ARB2A: variants seen among roughly 807,000 people sequenced by gnomAD.
ARB2A encodes the protein cotranscriptional regulator ARB2A.
the ARB2A span, among the ~76,000 whole-genome samples, chr5:93,850,803 G>T: frequency 6.6e-6 from 1 of 152,158 alleles, no homozygotes; most frequent in East Asian, 1.9e-4. Context: ...TTTTCATACT[G>T]TAACTAACTC....
chr5:93,852,764 T>C, the ARB2A span, among the ~76,000 whole-genome samples: 1 of 152,208 alleles, frequency 6.6e-6, no homozygotes. Context: ...CAGATAGTTG[T>C]AGATATGCGG....
chr5:93,734,193 G>A, the ARB2A span: 1 of 152,140 alleles, frequency 6.6e-6, no homozygotes, highest in Non-Finnish European at 1.5e-5. Flanking sequence ...GCCAAGGATT[G>A]ATAAAAGTGT....
the ARB2A span, among the ~76,000 whole-genome samples, chr5:94,076,189 A>G: frequency 6.6e-6 from 1 of 152,162 alleles, no homozygotes; most frequent in Non-Finnish European, 1.5e-5. Context: ...TCGCTTCAAC[A>G]TTAAATAGTA....
At chr5:93,948,750 C>T in the ARB2A span, among the ~76,000 whole-genome samples, 10 of 152,184 alleles carry the variant, frequency 6.6e-5, no homozygotes, top group Non-Finnish European at 1.5e-5. Context: ...TTCCCAGCAC[C>T]ATTTATTAAA....
At chr5:94,050,924 A>G in the ARB2A span, 2 of 908,130 alleles carry the variant, frequency 2.2e-6, no homozygotes, top group Non-Finnish European at 1.6e-6. Flanking sequence ...AAAATTTAAA[A>G]TAACTTTCTC....
the ARB2A span, among the ~76,000 whole-genome samples, chr5:93,954,861 G>A: frequency 7.9e-5 from 12 of 152,212 alleles, no homozygotes; most frequent in Non-Finnish European, 1.6e-4. Context: ...TCTCTGGGTA[G>A]GGCTAGTCTA....
the ARB2A span, among the ~76,000 whole-genome samples, chr5:93,718,423 C>T: frequency 1.3e-5 from 2 of 151,612 alleles, no homozygotes; most frequent in Admixed American, 6.6e-5. Context: ...GGCAATGGAG[C>T]GAGACTCCGT....
the ARB2A span, among the ~76,000 whole-genome samples, chr5:93,993,731 T>C: frequency 6.6e-6 from 1 of 151,780 alleles, no homozygotes; most frequent in Admixed American, 6.6e-5. Context: ...CAATGGGCTG[T>C]TAGAAAATTT....
the ARB2A span, among the ~76,000 whole-genome samples, chr5:94,059,998 T>C: frequency 3.9e-5 from 6 of 152,184 alleles, no homozygotes; most frequent in African/African-American, 1.4e-4. Context: ...TTATTTCTCA[T>C]TGTTAAATCT....
chr5:94,083,320 A>G, the ARB2A span, among the ~76,000 whole-genome samples: 1 of 152,196 alleles, frequency 6.6e-6, no homozygotes, highest in African/African-American at 2.4e-5. Flanking sequence ...ATTACAGCCA[A>G]GTCCCCCAAG....
At chr5:94,001,843 G>A in the ARB2A span, among the ~76,000 whole-genome samples, 1 of 151,954 alleles carries the variant, frequency 6.6e-6, no homozygotes, top group Admixed American at 6.6e-5. Context: ...ATTGTTTTTA[G>A]TGCCTTTAGT....
chr5:94,010,303 T>G, the ARB2A span, among the ~76,000 whole-genome samples: 1 of 152,184 alleles, frequency 6.6e-6, no homozygotes, highest in Non-Finnish European at 1.5e-5. Flanking sequence ...CCTCTTCGAA[T>G]GATGGATAAT....
At chr5:93,801,318 T>A in the ARB2A span, among the ~76,000 whole-genome samples, 7 of 152,106 alleles carry the variant, frequency 4.6e-5, no homozygotes, top group Non-Finnish European at 7.4e-5. Flanking sequence ...TAGCACTACA[T>A]ATAGGCATTA....
the ARB2A span, among the ~76,000 whole-genome samples, chr5:93,665,008 G>C: frequency 6.6e-6 from 1 of 151,990 alleles, no homozygotes; most frequent in Admixed American, 6.6e-5. Context: ...TGTATTTTTT[G>C]TAGAGACAGA....
the ARB2A span, among the ~76,000 whole-genome samples, chr5:93,983,136 G>A: frequency 6.7e-6 from 1 of 150,226 alleles, no homozygotes; most frequent in Non-Finnish European, 1.5e-5. Context: ...GTCCATTGTT[G>A]ACCACATCAT....
the ARB2A span, among the ~76,000 whole-genome samples, chr5:94,080,052 A>G: frequency 6.6e-6 from 1 of 152,158 alleles, no homozygotes; most frequent in Non-Finnish European, 1.5e-5. Flanking sequence ...TCTGAATCAA[A>G]TTTCAAAAGA....
the ARB2A span, among the ~76,000 whole-genome samples, chr5:93,732,626 T>C: frequency 6.6e-6 from 1 of 151,898 alleles, no homozygotes; most frequent in Non-Finnish European, 1.5e-5. Context: ...TAGCAATGTT[T>C]TTCTCATGTA....
the ARB2A span, among the ~76,000 whole-genome samples, chr5:93,865,167 T>C: frequency 6.6e-6 from 1 of 152,144 alleles, no homozygotes; most frequent in African/African-American, 2.4e-5. Context: ...CTGCAAGCTC[T>C]GCGTCCCGGG....
chr5:93,621,778 C>T, the ARB2A span, among the ~76,000 whole-genome samples: 1 of 152,114 alleles, frequency 6.6e-6, no homozygotes, highest in Non-Finnish European at 1.5e-5. Flanking sequence ...AATGAAGGAC[C>T]GCATTCAAAA....
Sources: allele counts gnomAD v4.1 joint callset (sites outside exome capture counted in the v4.1 genomes callset), GRCh38; gene constraint gnomAD v4.1.1; transcripts MANE v1.5; gene names NCBI Gene and HGNC (gene_info 2026-07-23, HGNC 2026-07-21).